CHRM3: variants seen among roughly 807,000 people sequenced by gnomAD.
CHRM3 encodes the protein cholinergic receptor muscarinic 3.
CHRM3 carries 11 observed loss-of-function variants against 41.8 expected under a neutral mutation model. The observed-to-expected ratio is 0.26, with a 90% CI of 0.17 to 0.44. CHRM3 has a LOEUF of 0.44. CHRM3 is among the 20% of genes least tolerant of loss of function. The pLI is 1.00. For synonymous variants in CHRM3, 297 were observed against 301.4 expected, an observed-to-expected ratio of 0.99 and a Z score of 0.15; for missense variants, 571 against 745.4, an observed-to-expected ratio of 0.77 and a Z score of 2.72.
chr1:239,665,052 A>G (rs1673636030), intron 4 of CHRM3, among the ~76,000 whole-genome samples: 1 of 151,804 alleles, frequency 6.6e-6, no homozygotes, highest in Admixed American at 6.6e-5. Flanking sequence ...GGTCTCTGGA[A>G]AAAAATGGTC....
chr1:239,443,123 T>C (rs139780139), intron 1 of CHRM3, among the ~76,000 whole-genome samples: 151 of 152,356 alleles, frequency 9.9e-4, no homozygotes, highest in African/African-American at 3.3e-3. Flanking sequence ...CATTTAATAG[T>C]GAATTACAAA....
chr1:239,777,736 G>A (rs965575767), intron 5 of CHRM3, among the ~76,000 whole-genome samples: 21 of 152,140 alleles, frequency 1.4e-4, no homozygotes, highest in African/African-American at 2.9e-4. Context: ...AGAAAAAAGC[G>A]AAGAAATGAA....
At chr1:239,577,407 T>A (rs1662471245) in intron 3 of CHRM3, among the ~76,000 whole-genome samples, 1 of 152,216 alleles carries the variant, frequency 6.6e-6, no homozygotes, top group Middle Eastern at 3.2e-3. Context: ...AATAAGATGT[T>A]CATTGAAAAT....
chr1:239,791,661 T>C (rs1669360122), intron 5 of CHRM3, among the ~76,000 whole-genome samples: 1 of 152,124 alleles, frequency 6.6e-6, no homozygotes, highest in Admixed American at 6.5e-5. Context: ...GAGGGCTCAG[T>C]ATAATCTCTG....
chr1:239,702,517 C>T (rs1660778135), intron 5 of CHRM3, among the ~76,000 whole-genome samples: 1 of 152,200 alleles, frequency 6.6e-6, no homozygotes, highest in Admixed American at 6.5e-5. Context: ...CAAATAAAAA[C>T]TTTAGTATTA....
At chr1:239,758,851 T>G (rs1666456009) in intron 5 of CHRM3, among the ~76,000 whole-genome samples, 1 of 152,186 alleles carries the variant, frequency 6.6e-6, no homozygotes, top group Non-Finnish European at 1.5e-5. Context: ...TAGATATTCA[T>G]GTAGTAGAGC....
chr1:239,841,725 C>A (rs1325466855), intron 6 of CHRM3, among the ~76,000 whole-genome samples: 5 of 152,208 alleles, frequency 3.3e-5, no homozygotes, highest in African/African-American at 1.2e-4. Context: ...TGAAGAGCAG[C>A]TTTCAAGGCA....
chr1:239,848,024 T>C (rs1558176213), intron 6 of CHRM3, among the ~76,000 whole-genome samples: 1 of 147,274 alleles, frequency 6.8e-6, no homozygotes, highest in Non-Finnish European at 1.5e-5. Flanking sequence ...CATTGAAGTA[T>C]GTGAGACAAA....
intron 1 of CHRM3, among the ~76,000 whole-genome samples, chr1:239,393,686 T>C (rs947069294): frequency 6.6e-6 from 1 of 152,198 alleles, no homozygotes; most frequent in Admixed American, 6.5e-5. Flanking sequence ...CTTGATTCAT[T>C]TGAATGTTAG....
chr1:239,551,272 C>A (rs896356572), intron 3 of CHRM3, among the ~76,000 whole-genome samples: 2 of 147,770 alleles, frequency 1.4e-5, no homozygotes, highest in African/African-American at 5.0e-5. Flanking sequence ...AAGTGATTCT[C>A]CTGCCTCAGC....
chr1:239,537,639 C>G (rs976320307), intron 2 of CHRM3, among the ~76,000 whole-genome samples: 1 of 152,150 alleles, frequency 6.6e-6, no homozygotes, highest in South Asian at 2.1e-4. Flanking sequence ...TCCCTAAATA[C>G]TTATTTGATT....
chr1:239,805,372 A>G (rs946374147), intron 5 of CHRM3, among the ~76,000 whole-genome samples: 6 of 152,198 alleles, frequency 3.9e-5, no homozygotes, highest in Non-Finnish European at 5.9e-5. Context: ...ACTTACCCAT[A>G]TCCACTGAAC....
intron 5 of CHRM3, among the ~76,000 whole-genome samples, chr1:239,809,081 G>A (rs935027965): frequency 6.2e-5 from 9 of 146,278 alleles, no homozygotes; most frequent in East Asian, 2.1e-4. Flanking sequence ...GTGCATTGGC[G>A]CAATCTCGGC....
intron 5 of CHRM3, among the ~76,000 whole-genome samples, chr1:239,727,334 T>C (rs1663535848): frequency 6.6e-6 from 1 of 151,936 alleles, no homozygotes; most frequent in Non-Finnish European, 1.5e-5. Flanking sequence ...ATTCTTATTT[T>C]AAAATGTCAG....
chr1:239,399,073 A>C (rs1420856891), intron 1 of CHRM3, among the ~76,000 whole-genome samples: 1 of 152,222 alleles, frequency 6.6e-6, no homozygotes, highest in African/African-American at 2.4e-5. Context: ...TGGGCAAAGA[A>C]AGTAACTTTT....
chr1:239,464,229 A>T (rs1665563324), intron 1 of CHRM3, among the ~76,000 whole-genome samples: 3 of 151,576 alleles, frequency 2.0e-5, no homozygotes, highest in Admixed American at 2.0e-4. Context: ...GCAGTGAACC[A>T]AGATCGTGCC....
intron 5 of CHRM3, among the ~76,000 whole-genome samples, chr1:239,813,829 A>G (rs929258871): frequency 9.5e-5 from 13 of 136,892 alleles, no homozygotes; most frequent in African/African-American, 4.0e-4. Context: ...AGGCAGGAGA[A>G]TGGCGTGAAC....
Position 239,852,496 on chromosome 1 carries a change from A to G in CHRM3, c.-20+25118A>G, listed in dbSNP as rs576544806. 2.3e-3 allele frequency among the ~76,000 whole-genome samples: 346 copies of G among 152,290 alleles called. 1 individual carries two copies. The highest frequency in any genetic ancestry group is 8.0e-3 in the African/African-American group (331 of 41,570). ...CCAAATTTCAGATACAAGCAATACA[A>G]TGCCCTCCCAGAGAGGGGGATTTTC... On this transcript the variant is annotated intron_variant, in intron 6 of 6. Transcript: ENST00000676153.
At chr1:239,436,584 G>A (rs1490386104) in intron 1 of CHRM3, among the ~76,000 whole-genome samples, 5 of 151,870 alleles carry the variant, frequency 3.3e-5, no homozygotes, top group Non-Finnish European at 7.4e-5. Context: ...TTCAGGAACA[G>A]CCAAGGGATA....
Sources: allele counts gnomAD v4.1 joint callset (sites outside exome capture counted in the v4.1 genomes callset), GRCh38; gene constraint gnomAD v4.1.1; transcripts MANE v1.5; gene names NCBI Gene and HGNC (gene_info 2026-07-23, HGNC 2026-07-21).